The following NPSR1 variants were observed in gnomAD, a reference collection of about 807,000 sequenced individuals.
The protein encoded by NPSR1 is neuropeptide S receptor 1.
A neutral mutation model predicts 46.9 loss-of-function variants in NPSR1; 48 were observed. That is an observed-to-expected ratio of 1.02 (90% CI 0.81 to 1.30). The LOEUF is 1.30. NPSR1 is among the 50% of genes most tolerant of loss of function. The probability of loss-of-function intolerance (pLI) is 0.00; values close to 1 mark genes in which losing one functional copy is unlikely to be tolerated. For synonymous variants in NPSR1, 176 were observed against 168.1 expected, an observed-to-expected ratio of 1.05 and a Z score of -0.36; for missense variants, 450 against 449.5, an observed-to-expected ratio of 1.00 and a Z score of -0.01.
At chr7:34,791,246 A>C (rs1206359626) in intron 3 of NPSR1, among the ~76,000 whole-genome samples, 1 of 135,702 alleles carries the variant, frequency 7.4e-6, no homozygotes, top group Non-Finnish European at 1.5e-5. Context: ...TATATATGTT[A>C]TATGTTATAT....
chr7:34,690,224 A>C (rs1793179378), intron 2 of NPSR1, among the ~76,000 whole-genome samples: 1 of 152,080 alleles, frequency 6.6e-6, no homozygotes, highest in African/African-American at 2.4e-5. Context: ...AACTATAGAC[A>C]TCTCCTCAGA....
chr7:34,860,434 A>G (rs1045560947), intron 8 of NPSR1, among the ~76,000 whole-genome samples: 2 of 151,964 alleles, frequency 1.3e-5, no homozygotes, highest in East Asian at 1.9e-4. Context: ...ACAAATAACA[A>G]TAATAAACTC....
chr7:34,790,317 A>T (rs1053587571), intron 3 of NPSR1, among the ~76,000 whole-genome samples: 1 of 152,110 alleles, frequency 6.6e-6, no homozygotes, highest in African/African-American at 2.4e-5. Context: ...GACAAAATTC[A>T]ATATCTTTTT....
chr7:34,743,392 T>C (rs1186895821), intron 2 of NPSR1, among the ~76,000 whole-genome samples: 1 of 152,100 alleles, frequency 6.6e-6, no homozygotes, highest in Admixed American at 6.6e-5. Flanking sequence ...CAGCACTATT[T>C]ATTGAATCAG....
chr7:34,849,589 A>T lies in NPSR1; in HGVS notation c.1050A>T (p.Arg350Ser). 6.2e-7 allele frequency: 1 copy of T among 1,614,138 alleles called. No individual in the cohort carries two copies. Among genetic ancestry groups the T allele is most frequent in the Non-Finnish European group, 8.5e-7 (1 of 1,180,012 alleles). The change falls in exon 9 of 9, where the codon AGA becomes AGT. Residue 350 changes from arginine (R) to serine (S), a missense_variant. Transcript: ENST00000360581. ...PCREQRSQDSRMTFRERTERH... is the reference protein window; with the variant it reads ...PCREQRSQDSSMTFRERTERH... ...GGGAGCAAAGATCACAGGATTCCAGAATGACGTTCCGGGAGAGAACTGAGA... is the reference window on the plus strand; with the variant it reads ...GGGAGCAAAGATCACAGGATTCCAGTATGACGTTCCGGGAGAGAACTGAGA...
At chr7:34,713,613 T>C (rs2128703519) in intron 2 of NPSR1, among the ~76,000 whole-genome samples, 1 of 152,256 alleles carries the variant, frequency 6.6e-6, no homozygotes, top group Non-Finnish European at 1.5e-5. Context: ...ACAGTGGGGA[T>C]CCAGATGCAA....
chr7:34,699,771 C>A lies in NPSR1; in HGVS notation c.280+15087C>A, dbSNP rs957165118. Among the ~76,000 whole-genome samples, 4 of 152,170 alleles carry A rather than the reference C, an allele frequency of 2.6e-5. No individual in the cohort carries two copies. In the East Asian group the frequency reaches 7.7e-4, roughly 29 times the overall value. ...GAGGTCATATGTTCAAATACAGTCACATTGGGAGTTAGAGATTCAACATAT... is the reference window on the plus strand; with the variant it reads ...GAGGTCATATGTTCAAATACAGTCAAATTGGGAGTTAGAGATTCAACATAT... On this transcript the variant is annotated intron_variant, in intron 2 of 8. Coordinates refer to ENST00000360581, the MANE Select transcript of NPSR1 (RefSeq NM_207172.2).
At chr7:34,755,356 A>T (rs182315937) in intron 2 of NPSR1, among the ~76,000 whole-genome samples, 1 of 152,362 alleles carries the variant, frequency 6.6e-6, no homozygotes, top group Non-Finnish European at 1.5e-5. Flanking sequence ...GGTCAAGGAT[A>T]CAAAGTAGCA....
rs140310760 is a variant in NPSR1 at position 34,847,314 on chromosome 7, A to G, written c.845-1169A>G. Among the ~76,000 whole-genome samples the G allele has an allele frequency of 2.4e-3, 359 of 152,274 alleles. 1 individual carries two copies. The highest frequency in any genetic ancestry group is 0.02 in the Middle Eastern group (6 of 294). On this transcript the variant is annotated intron_variant, in intron 7 of 8. Transcript: ENST00000360581. Reference sequence around the variant, plus strand: ...GTGGGAGAAGGAGAGTGGAGAATTTATGGTGAGAAAATGAGAGATGCGTGT... The same window carrying G: ...GTGGGAGAAGGAGAGTGGAGAATTTGTGGTGAGAAAATGAGAGATGCGTGT...
rs1791955194 is a variant in NPSR1 at position 34,669,831 on chromosome 7, G to A, written c.147+11272G>A. ...CTGGTAGATGGTAGAGTCAGGACAA[G>A]AACTGCAATCTCTAACTATCCAAGT... On this transcript the variant is annotated intron_variant, in intron 1 of 8. Coordinates refer to ENST00000360581, the MANE Select transcript of NPSR1 (RefSeq NM_207172.2). 2.0e-5 allele frequency among the ~76,000 whole-genome samples: 3 copies of A among 152,176 alleles called. No individual in the cohort carries two copies. The South Asian group carries it at 6.2e-4, about 31-fold the overall frequency.
intron 4 of NPSR1, among the ~76,000 whole-genome samples, chr7:34,815,191 G>T (rs1789184081): frequency 6.6e-6 from 1 of 152,126 alleles, no homozygotes; most frequent in Admixed American, 6.5e-5. Flanking sequence ...TTAGACGAAT[G>T]GCTAAATAGA....
chr7:34,849,382 T>C (rs1402984533), intron 8 of NPSR1, 183 bp from the exon 9 acceptor site: 11 of 1,552,950 alleles, frequency 7.1e-6, no homozygotes, highest in Middle Eastern at 1.7e-4. Context: ...GCTCTGGTGC[T>C]GACCAGTGAG....
Position 34,790,207 on chromosome 7 carries a change from A to G in NPSR1, c.384+11642A>G, listed in dbSNP as rs180751440. ...TGTAATTTATTCCTGGAATGCAACA[A>G]TAGTTTAACATACACAAATTAATAA... On this transcript the variant is annotated intron_variant, in intron 3 of 8. Transcript: ENST00000360581. Among the ~76,000 whole-genome samples the G allele has an allele frequency of 2.6e-5, 4 of 152,316 alleles. No individual in the cohort carries two copies. The East Asian group carries it at 5.8e-4, about 22-fold the overall frequency.
At chr7:34,718,336 A>C (rs1583872263) in intron 2 of NPSR1, among the ~76,000 whole-genome samples, 1 of 152,166 alleles carries the variant, frequency 6.6e-6, no homozygotes, top group African/African-American at 2.4e-5. Flanking sequence ...TCATGATGCC[A>C]CCTCTAGAAA....
At chr7:34,713,212 T>C (rs922123779) in intron 2 of NPSR1, among the ~76,000 whole-genome samples, 1 of 152,198 alleles carries the variant, frequency 6.6e-6, no homozygotes, top group African/African-American at 2.4e-5. Context: ...GGAGGAACAA[T>C]AGAATACAAC....
intron 2 of NPSR1, among the ~76,000 whole-genome samples, chr7:34,746,342 C>T (rs1031375812): frequency 2.0e-5 from 3 of 152,112 alleles, no homozygotes; most frequent in Non-Finnish European, 4.4e-5. Flanking sequence ...GAGAATGACC[C>T]CATATTCACA....
chr7:34,725,180 G>A (rs950897711), intron 2 of NPSR1, among the ~76,000 whole-genome samples: 8 of 151,608 alleles, frequency 5.3e-5, no homozygotes, highest in Non-Finnish European at 7.4e-5. Context: ...GCTGCCAGAG[G>A]GTGAATGCAG....
chr7:34,694,943 T>G (rs1428708391), intron 2 of NPSR1, among the ~76,000 whole-genome samples: 1 of 152,104 alleles, frequency 6.6e-6, no homozygotes, highest in East Asian at 1.9e-4. Flanking sequence ...CTCTTGACCT[T>G]GTGATCTGCC....
intron 4 of NPSR1, among the ~76,000 whole-genome samples, chr7:34,819,041 A>G (rs1364529690): frequency 6.6e-6 from 1 of 152,198 alleles, no homozygotes; most frequent in Non-Finnish European, 1.5e-5. Context: ...ACCAAAAGCA[A>G]TGGCAACAAA....
Sources: gnomAD v4.1 joint callset for allele counts (sites outside exome capture counted in the v4.1 genomes callset) on GRCh38, gnomAD v4.1.1 for gene constraint, MANE v1.5 for transcripts, NCBI Gene and HGNC (gene_info 2026-07-23, HGNC 2026-07-21) for gene names.